The following LGI4 variants were observed in gnomAD, a reference collection of about 807,000 sequenced individuals.
The protein encoded by LGI4 is leucine-rich repeat LGI family member 4.
A neutral mutation model predicts 48.3 loss-of-function variants in LGI4; 36 were observed. That is an observed-to-expected ratio of 0.75 (90% CI 0.57 to 0.98). LGI4 has a LOEUF of 0.98. LGI4 is among the 50% of genes least tolerant of loss of function. The pLI is 0.00. For missense variants in LGI4, 701 were observed against 732.1 expected (o/e 0.96, Z 0.49); for synonymous variants, 355 against 331.6 (o/e 1.07, Z -0.77).
In LGI4 at chr19:35,126,845, G is replaced by C; in HGVS notation, c.793+8C>G. ...CTGGACAGGCAGAAGGACGGGGAGG[G>C]GGCTCACCGGGCAGCTCTTCCTCGG... is the stretch of plus-strand genomic sequence containing the variant. On this transcript the variant is annotated splice_region_variant and intron_variant, in intron 7 of 8. Transcript: ENST00000310123. 6.2e-7 allele frequency: 1 copy of C among 1,608,236 alleles called. No homozygotes were observed. The highest frequency in any genetic ancestry group is 8.5e-7 in the Non-Finnish European group (1 of 1,178,800).
chr19:35,134,039 T>C lies in LGI4; in HGVS notation c.236A>G (p.His79Arg). Reference protein sequence around the residue: ...AGSFLRIPSLHLLLFTSNSFS... With the variant: ...AGSFLRIPSLRLLLFTSNSFS... Reference sequence around the variant, plus strand: ...CCAGCCAGGCCCCACTCACAGCAGGTGCAGAGACGGAATTCTCAGGAAGCT... The same window carrying C: ...CCAGCCAGGCCCCACTCACAGCAGGCGCAGAGACGGAATTCTCAGGAAGCT... The change falls in exon 2 of 9, where the codon CAC becomes CGC. Residue 79 changes from histidine to arginine, a missense_variant. His to Arg is a conservative substitution (Grantham distance 29). Transcript: ENST00000310123. The C allele has an allele frequency of 1.3e-6, 2 of 1,560,602 alleles. No individual in the cohort carries two copies. The highest frequency in any genetic ancestry group is 1.7e-6 in the Non-Finnish European group (2 of 1,151,812).
chr19:35,133,393 T>G (rs1444695091), intron 3 of LGI4: 8 of 1,234,782 alleles, frequency 6.5e-6, no homozygotes, highest in Non-Finnish European at 7.1e-6. Flanking sequence ...TGGGTTTCTA[T>G]GAGTCAGGGA....
In LGI4 at chr19:35,126,768, G is replaced by C. The variant is rs781333085; in HGVS notation, c.801C>G (p.Ser267=). 5.2e-6 allele frequency: 8 copies of C among 1,548,614 alleles called. No individual in the cohort carries two copies. Among genetic ancestry groups the C allele is most frequent in the Non-Finnish European group, 6.9e-6 (8 of 1,152,694 alleles). Residue 267 remains serine (S), a synonymous_variant, in exon 8 of 9, where the codon TCC becomes TCG. Transcript: ENST00000310123. ...GCACCAGTGGCTTGCAGGACACCAC[G>C]GAGGCCGCTGTGGGGAGGTGGGGAG... ...FRPEEELPAA[S]VVSCKPLVLG...
intron 2 of LGI4, 93 bp downstream of exon 2, chr19:35,133,940 C>G: frequency 1.5e-6 from 2 of 1,378,540 alleles, no homozygotes; most frequent in South Asian, 2.5e-5. Flanking sequence ...GCATCAATGC[C>G]CACCTGACAT....
intron 3 of LGI4, 33 bp from the exon 4 acceptor site, chr19:35,132,075 C>T (rs1350336023): frequency 3.2e-5 from 50 of 1,543,386 alleles, no homozygotes; most frequent in Middle Eastern, 1.7e-4. Flanking sequence ...GGGGGAGGCC[C>T]GCTGAGCTTC....
chr19:35,134,498 G>T lies in LGI4; in HGVS notation c.170+13C>A. 1.3e-6 allele frequency: 2 copies of T among 1,571,828 alleles called. No individual in the cohort carries two copies. Among genetic ancestry groups the T allele is most frequent in the Non-Finnish European group, 1.7e-6 (2 of 1,158,342 alleles). ...GTCCCCACCTTCGGGCATGCAGAAG[G>T]CTGGACACTCACAGTGACAGCAGGG... On this transcript the variant is annotated intron_variant, in intron 1 of 8. Coordinates refer to ENST00000310123, the MANE Select transcript of LGI4 (RefSeq NM_139284.3).
chr19:35,133,707 G>A lies in LGI4; in HGVS notation c.300C>T (p.Ser100=). The change falls in exon 3 of 9, where the codon TCC becomes TCT. Residue 100 remains serine, a synonymous_variant. Coordinates refer to ENST00000310123, the MANE Select transcript of LGI4 (RefSeq NM_139284.3). ...GCCTCACTCACAGGTACTGCAGGTG[G>A]GACAGGCCCGCAAATGCATCGTCCT... The part of the protein sequence containing the change: ...VIEDDAFAGL[S]HLQYLFIEDN... 3.1e-6 allele frequency: 5 copies of A among 1,606,334 alleles called. No homozygotes were observed. Among genetic ancestry groups the A allele is most frequent in the Non-Finnish European group, 4.2e-6 (5 of 1,177,020 alleles).
chr19:35,134,378 A>G lies in LGI4; in HGVS notation c.170+133T>C, dbSNP rs1320619642. 4.2e-6 allele frequency: 4 copies of G among 955,208 alleles called. No individual in the cohort carries two copies. In the African/African-American group the frequency reaches 4.9e-5, roughly 12 times the overall value. The allele number at this position is 955,208 out of a possible 1,614,324, so 59.2% of individuals were successfully genotyped here. A position where few individuals can be genotyped will look rare whatever the true frequency, so the allele number is the denominator to read the frequency against. On this transcript the variant is annotated intron_variant, in intron 1 of 8. Transcript: ENST00000310123. The stretch of plus-strand genomic sequence containing the variant: ...CAGCACCCCTCTTCAAGGCATCCCG[A>G]CAGGCTTTGCTGCCCATCTCCTGAG...
In LGI4 at chr19:35,125,458, G is replaced by A. The variant is rs758482307; in HGVS notation, c.1349C>T (p.Ser450Leu). The change falls in exon 9 of 9, where the codon TCG becomes TTG. Residue 450 changes from serine (S) to leucine (L), a missense_variant. Transcript: ENST00000310123. The part of the protein sequence containing the change: ...SMFRLLQQLP[S>L]RGAHVFQPLL... ...TGGCTGGAAGACGTGGGCACCGCGC[G>A]AGGGAAGTTGCTGCAGCAGACGAAA... 2 of 1,594,764 alleles carry A rather than the reference G, an allele frequency of 1.3e-6. No homozygotes were observed. The highest frequency in any genetic ancestry group is 2.3e-5 in the East Asian group (1 of 44,170).
At chr19:35,133,969 C>T (rs1362600440) in intron 2 of LGI4, 64 bp downstream of exon 2, 1 of 1,462,346 alleles carries the variant, frequency 6.8e-7, no homozygotes. Context: ...GCATACACTC[C>T]CACACATGTG....
intron 4 of LGI4, 47 bp downstream of exon 4, chr19:35,131,924 G>A: frequency 6.4e-7 from 1 of 1,568,496 alleles, no homozygotes; most frequent in Non-Finnish European, 8.7e-7. Flanking sequence ...CTGGGGGGTG[G>A]AGCATGGGTG....
At position 35,125,443 on chromosome 19, in the gene LGI4, A is replaced by G; in HGVS notation, c.1364T>C (p.Val455Ala). 1 of 1,605,844 alleles carries G rather than the reference A, an allele frequency of 6.2e-7. No homozygotes were observed. ...CCTGGCGATGAGCAGTGGCTGGAAG[A>G]CGTGGGCACCGCGCGAGGGAAGTTG... is the stretch of plus-strand genomic sequence containing the variant. ...LQQLPSRGAH[V>A]FQPLLIARDQ... The change falls in exon 9 of 9, where the codon GTC becomes GCC. Residue 455 changes from valine to alanine, a missense_variant. Physicochemically the swap from Val to Ala is moderately conservative, Grantham distance 64. Coordinates refer to ENST00000310123, the MANE Select transcript of LGI4 (RefSeq NM_139284.3).
chr19:35,126,105 T>G (rs2065133265), intron 8 of LGI4, 165 bp downstream of exon 8: 4 of 715,546 alleles, frequency 5.6e-6, no homozygotes, highest in Non-Finnish European at 7.0e-6. Flanking sequence ...TGGGGAGTGG[T>G]TCGGAGTCAG....
Position 35,126,795 on chromosome 19 carries a change from C to A in LGI4, c.794-20G>T, listed in dbSNP as rs1433637766. 2 of 1,574,660 alleles carry A rather than the reference C, an allele frequency of 1.3e-6. No individual in the cohort carries two copies. The highest frequency in any genetic ancestry group is 1.7e-6 in the Non-Finnish European group (2 of 1,165,746). On this transcript the variant is annotated intron_variant, in intron 7 of 8. Coordinates refer to ENST00000310123, the MANE Select transcript of LGI4 (RefSeq NM_139284.3). Reference sequence around the variant, plus strand: ...AGGCCGCTGTGGGGAGGTGGGGAGGCAGGTCAGGCCAGCCAGGCAGGCTGC... The same window carrying A: ...AGGCCGCTGTGGGGAGGTGGGGAGGAAGGTCAGGCCAGCCAGGCAGGCTGC...
chr19:35,133,338 G>A, intron 3 of LGI4: 2 of 1,116,638 alleles, frequency 1.8e-6, no homozygotes, highest in Non-Finnish European at 2.2e-6. Flanking sequence ...GTTGTTTCCT[G>A]GTCATTTGAA....
chr19:35,127,054 C>T (rs376639404), intron 6 of LGI4, 37 bp from the exon 7 acceptor site: 24 of 1,524,864 alleles, frequency 1.6e-5, no homozygotes, highest in Non-Finnish European at 2.1e-5. Context: ...GGCCCCAGGA[C>T]CCCCAGGGTC....
rs1207563479 is a variant in LGI4, at chr19:35,131,521, G to A, written c.493C>T (p.Arg165Cys). Residue 165 changes from arginine (R) to cysteine (C), a missense_variant, in exon 6 of 9, where the codon CGC (arginine) becomes TGC (cysteine). Physicochemically the swap from Arg to Cys is radical, Grantham distance 180 (BLOSUM62 -3). This residue lies in a region of LGI4 where 462 missense variants were observed against 436.4 expected (regional missense o/e 1.06). Coordinates refer to ENST00000310123, the MANE Select transcript of LGI4 (RefSeq NM_139284.3). Reference protein sequence around the residue: ...LRGNPFQCDCRVLWLLQWMPT... With the variant: ...LRGNPFQCDCCVLWLLQWMPT... ...ATCCACTGCAGGAGCCAGAGGACGC[G>A]GCAGTCACACTGGAACGGGTTCCCG... is the stretch of plus-strand genomic sequence containing the variant. The A allele has an allele frequency of 4.8e-5, 74 of 1,551,108 alleles. No homozygotes were observed. Among genetic ancestry groups the A allele is most frequent in the Middle Eastern group, 1.7e-4 (1 of 6,008 alleles).
rs1371904776 is a variant in LGI4 at position 35,126,858 on chromosome 19, A to AGCT, written c.785_787dup (p.Glu262_Leu263insGln). Reference sequence around the variant, plus strand: ...AGGACGGGGAGGGGGCTCACCGGGCAGCTCTTCCTCGGGCCGGAAGCGCTG... The same window carrying AGCT: ...AGGACGGGGAGGGGGCTCACCGGGCAGCTGCTCTTCCTCGGGCCGGAAGCGCTG... On this transcript the variant is annotated inframe_insertion, in exon 7 of 9. Transcript: ENST00000310123. The AGCT allele has an allele frequency of 6.2e-7, 1 of 1,610,792 alleles. No individual in the cohort carries two copies. The highest frequency in any genetic ancestry group is 8.5e-7 in the Non-Finnish European group (1 of 1,179,324).
At position 35,134,630 on chromosome 19, in the gene LGI4, C is replaced by A. The variant is rs769308397; in HGVS notation, c.51G>T (p.Val17=). 2 of 1,573,360 alleles carry A rather than the reference C, an allele frequency of 1.3e-6. No individual in the cohort carries two copies. The highest frequency in any genetic ancestry group is 1.7e-6 in the Non-Finnish European group (2 of 1,157,486). ...TTCCCTTTGGGGGTCTCCAGGCCAC[C>A]ACCACCCCCGCCCCAGCCAGCAGCA... ...LLLLLAGAGV[V]VAWRPPKGKC... Residue 17 remains valine, a synonymous_variant, in exon 1 of 9, where the codon GTG becomes GTT. Transcript: ENST00000310123.
Sources: allele counts gnomAD v4.1 joint callset, GRCh38; gene constraint gnomAD v4.1.1; regional missense constraint gnomAD v4.1.1; transcripts MANE v1.5; gene names NCBI Gene and HGNC (gene_info 2026-07-23, HGNC 2026-07-21).